FIP1L1: variants seen among roughly 807,000 people sequenced by gnomAD.
FIP1L1 encodes the protein factor interacting with PAPOLA and CPSF1, also known as pre-mRNA 3'-end-processing factor FIP1.
In FIP1L1, 21 loss-of-function variants were observed where a neutral mutation model predicts 84.6. The ratio of observed to expected loss-of-function variants is 0.25; its 90% CI spans 0.18 to 0.36. The LOEUF is 0.36. Ranked by LOEUF, FIP1L1 falls within the 10% of genes least tolerant of loss-of-function variation. The pLI, the probability that FIP1L1 is intolerant of heterozygous loss-of-function variation, is 1.00. For missense variants in FIP1L1, 526 were observed against 751.1 expected (o/e 0.70, Z 3.50); for synonymous variants, 263 against 242.3 (o/e 1.09, Z -0.80).
chr4:53,402,893 A>G (rs932731257), intron 10 of FIP1L1, among the ~76,000 whole-genome samples: 4 of 152,226 alleles, frequency 2.6e-5, no homozygotes, highest in African/African-American at 9.6e-5. Context: ...ACAGTAACGA[A>G]GGCAGGATAC....
chr4:53,409,498 G>A (rs575567960), intron 10 of FIP1L1, among the ~76,000 whole-genome samples: 21 of 152,318 alleles, frequency 1.4e-4, no homozygotes, highest in Admixed American at 5.2e-4. Flanking sequence ...CTCCAGCTGC[G>A]TGCTGGGAGA....
chr4:53,421,542 A>G (rs1560543033), intron 11 of FIP1L1, among the ~76,000 whole-genome samples: 1 of 152,174 alleles, frequency 6.6e-6, no homozygotes, highest in Non-Finnish European at 1.5e-5. Flanking sequence ...ACAGCCATCT[A>G]TTTACATATG....
chr4:53,406,533 T>G (rs1410218408), intron 10 of FIP1L1, among the ~76,000 whole-genome samples: 2 of 152,344 alleles, frequency 1.3e-5, no homozygotes, highest in East Asian at 1.9e-4. Context: ...CAAAATGAGT[T>G]AGGGAGGATT....
rs1378405715 is a variant in FIP1L1, at chr4:53,460,845, T to C, written c.*1396T>C. ...AATATAAAAACTGACAAGATAAATA[T>C]AGTGTTTCAACTTCTTAGCCTATTT... is the stretch of plus-strand genomic sequence containing the variant. On this transcript the variant is annotated 3_prime_UTR_variant, in exon 18 of 18. Coordinates refer to ENST00000337488, the MANE Select transcript of FIP1L1 (RefSeq NM_030917.4). 14 of 1,395,156 alleles carry C rather than the reference T, an allele frequency of 1.0e-5. No individual in the cohort carries two copies. Among genetic ancestry groups the C allele is most frequent in the South Asian group, 5.3e-5 (4 of 75,764 alleles). The allele number at this position is 1,395,156 out of a possible 1,614,324, so 86.4% of individuals were successfully genotyped here.
chr4:53,426,006 A>T lies in FIP1L1; in HGVS notation c.1017+41A>T, dbSNP rs766459761. 4 of 1,340,198 alleles carry T rather than the reference A, an allele frequency of 3.0e-6. 1 individual carries two copies. In the South Asian group the frequency reaches 3.7e-5, roughly 12 times the overall value. The allele number at this position is 1,340,198 out of a possible 1,614,324, so 83.0% of individuals were successfully genotyped here. A position where few individuals can be genotyped will look rare whatever the true frequency, so the allele number is the denominator to read the frequency against. On this transcript the variant is annotated intron_variant, in intron 12 of 17. Coordinates refer to ENST00000337488, the MANE Select transcript of FIP1L1 (RefSeq NM_030917.4). ...ATAAATAATTTTCTTTAACTGAAGG[A>T]TGATATCAACATTATAATTTAATTT...
Position 53,377,672 on chromosome 4 carries a change from T to C in FIP1L1, c.-167T>C, listed in dbSNP as rs1735271520. On this transcript the variant is annotated 5_prime_UTR_variant, in exon 1 of 18. Coordinates refer to ENST00000337488, the MANE Select transcript of FIP1L1 (RefSeq NM_030917.4). ...GCGCAGACGGACCTGCGCTGGAGGC[T>C]TCATCTTTGCCGCCGCTGCCGTCGC... 1 of 612,248 alleles carries C rather than the reference T, an allele frequency of 1.6e-6. No homozygotes were observed. Among genetic ancestry groups the C allele is most frequent in the East Asian group, 3.0e-5 (1 of 32,790 alleles). 37.9% of individuals were successfully genotyped at this position (612,248 alleles called of 1,614,324 possible). A position where few individuals can be genotyped will look rare whatever the true frequency, so the allele number is the denominator to read the frequency against.
chr4:53,403,154 G>A (rs940059563), intron 10 of FIP1L1, among the ~76,000 whole-genome samples: 8 of 152,108 alleles, frequency 5.3e-5, no homozygotes, highest in African/African-American at 1.4e-4. Flanking sequence ...GAAGTGTGGG[G>A]TCAAGAGAAA....
chr4:53,382,686 T>A (rs568228699), intron 4 of FIP1L1, among the ~76,000 whole-genome samples: 12 of 152,368 alleles, frequency 7.9e-5, no homozygotes, highest in African/African-American at 2.9e-4. Context: ...CGTTGCTTTT[T>A]AATGTATGTG....
intron 11 of FIP1L1, among the ~76,000 whole-genome samples, chr4:53,422,805 C>T (rs1036409393): frequency 6.6e-6 from 1 of 151,922 alleles, no homozygotes; most frequent in Admixed American, 6.6e-5. Context: ...TCCTTCATCT[C>T]CTGGACTCAA....
rs1259739858 is a variant in FIP1L1 at position 53,379,226 on chromosome 4, T to A, written c.132T>A (p.Asp44Glu). 8 of 1,605,996 alleles carry A rather than the reference T, an allele frequency of 5.0e-6. No homozygotes were observed. The highest frequency in any genetic ancestry group is 6.8e-6 in the Non-Finnish European group (8 of 1,177,992). The part of the protein sequence containing the change: ...HVHSDLAKDL[D>E]ENEVERPEEE... The stretch of plus-strand genomic sequence containing the variant: ...TTATTTGTTTATTTTACTTGGTAGA[T>A]GAAAATGAAGTTGAAAGGCCAGAAG... Residue 44 changes from aspartate (D) to glutamate (E), a missense_variant and splice_region_variant, in exon 3 of 18, where the codon GAT (aspartate) becomes GAA (glutamate). Coordinates refer to ENST00000337488, the MANE Select transcript of FIP1L1 (RefSeq NM_030917.4).
intron 15 of FIP1L1, among the ~76,000 whole-genome samples, chr4:53,451,712 T>A (rs1333308283): frequency 1.3e-5 from 2 of 152,070 alleles, no homozygotes; most frequent in Non-Finnish European, 2.9e-5. Flanking sequence ...TATATCCTAT[T>A]GTGGTTCATT....
rs114690630 is a variant in FIP1L1, at chr4:53,433,838, C to T, written c.1174+5655C>T. On this transcript the variant is annotated intron_variant, in intron 13 of 17. Coordinates refer to ENST00000337488, the MANE Select transcript of FIP1L1 (RefSeq NM_030917.4). ...AGATTTCTTCCTAAAAGACTGTTGT[C>T]TTGTATCAGTGTCTGGCTAATCATC... is the stretch of plus-strand genomic sequence containing the variant. Among the ~76,000 whole-genome samples the T allele has an allele frequency of 8.0e-3, 1,208 of 151,852 alleles. 16 individuals carry two copies. The highest frequency in any genetic ancestry group is 0.028 in the African/African-American group (1,141 of 41,366).
intron 16 of FIP1L1, 31 bp downstream of exon 16, chr4:53,453,164 G>A (rs1400897926): frequency 1.3e-5 from 21 of 1,606,014 alleles, no homozygotes; most frequent in Non-Finnish European, 1.8e-5. Context: ...TTTATACTAT[G>A]TATTTTATAA....
rs749187058 is a variant in FIP1L1 at position 53,399,842 on chromosome 4, T to G, written c.815+3T>G. 6.4e-7 allele frequency: 1 copy of G among 1,562,258 alleles called. No homozygotes were observed. The highest frequency in any genetic ancestry group is 2.2e-5 in the East Asian group (1 of 44,542). Reference sequence around the variant, plus strand: ...AAGACTGGGCTTCCACCGAGCAGGTTAGTTACATAGTTATAACTCAATTAC... The same window carrying G: ...AAGACTGGGCTTCCACCGAGCAGGTGAGTTACATAGTTATAACTCAATTAC... On this transcript the variant is annotated splice_donor_region_variant and intron_variant, in intron 10 of 17. Transcript: ENST00000337488.
At chr4:53,438,450 T>C in intron 13 of FIP1L1, among the ~76,000 whole-genome samples, 1 of 152,234 alleles carries the variant, frequency 6.6e-6, no homozygotes, top group East Asian at 1.9e-4. Context: ...ATTGGTTATA[T>C]AGTGTTTCAT....
At chr4:53,392,740 G>A (rs1744929502) in intron 9 of FIP1L1, among the ~76,000 whole-genome samples, 1 of 152,026 alleles carries the variant, frequency 6.6e-6, no homozygotes, top group South Asian at 2.1e-4. Flanking sequence ...AACTCCTAGG[G>A]GTCAGTCTCA....
intron 16 of FIP1L1, among the ~76,000 whole-genome samples, chr4:53,455,604 T>C (rs1328926055): frequency 6.6e-6 from 1 of 152,136 alleles, no homozygotes; most frequent in Non-Finnish European, 1.5e-5. Flanking sequence ...ATGCGGCTTA[T>C]GGTACCCCTA....
intron 13 of FIP1L1, among the ~76,000 whole-genome samples, chr4:53,429,762 A>G (rs1192079140): frequency 6.6e-6 from 1 of 152,210 alleles, no homozygotes; most frequent in Non-Finnish European, 1.5e-5. Context: ...TAGTAAATCA[A>G]GTTAATATAT....
intron 7 of FIP1L1, 24 bp from the exon 8 acceptor site, chr4:53,390,985 A>G: frequency 1.9e-6 from 3 of 1,554,254 alleles, no homozygotes; most frequent in South Asian, 1.2e-5. Flanking sequence ...ATATTTGTAC[A>G]CTAAAGTTGT....
Sources: allele counts gnomAD v4.1 joint callset (sites outside exome capture counted in the v4.1 genomes callset), GRCh38; gene constraint gnomAD v4.1.1; transcripts MANE v1.5; gene names NCBI Gene and HGNC (gene_info 2026-07-23, HGNC 2026-07-21).